The following SEC11A variants were observed in gnomAD, a reference collection of about 807,000 sequenced individuals.
SEC11A encodes SEC11 homolog A, signal peptidase complex subunit, also known as signal peptidase complex catalytic subunit SEC11A.
Under a neutral mutation model 25.6 loss-of-function variants are expected in SEC11A, and 14 were observed. That is an observed-to-expected ratio of 0.55 (90% CI 0.36 to 0.85). SEC11A has a LOEUF of 0.85. Among genes scored for constraint, SEC11A ranks in the 40% least tolerant of loss-of-function variants. SEC11A has a pLI of 0.01. For missense variants in SEC11A, 153 were observed against 222.9 expected (o/e 0.69, Z 2.00); for synonymous variants, 83 against 76.4 (o/e 1.09, Z -0.45).
intron 5 of SEC11A, 123 bp from the exon 6 acceptor site, chr15:84,670,192 T>C (rs1896945762): frequency 1.2e-6 from 1 of 833,208 alleles, no homozygotes; most frequent in Non-Finnish European, 1.8e-6. Flanking sequence ...TCTTTCATCT[T>C]TTAACTATAA....
At chr15:84,699,016 C>A (rs1453297790) in intron 1 of SEC11A, among the ~76,000 whole-genome samples, 1 of 152,086 alleles carries the variant, frequency 6.6e-6, no homozygotes, top group Non-Finnish European at 1.5e-5. Context: ...AGGTGAATTT[C>A]CAAAATATGC....
chr15:84,691,235 C>A lies in SEC11A; in HGVS notation c.161+300G>T, dbSNP rs550191553. Among the ~76,000 whole-genome samples, 4 of 151,928 alleles carry A rather than the reference C, an allele frequency of 2.6e-5. No homozygotes were observed. In the South Asian group the frequency reaches 8.3e-4, roughly 32 times the overall value. Reference sequence around the variant, plus strand: ...GACTACAGGTCCATGCCACCACACCCGCTAATTTTTGTATTTTTTGTGGAG... The same window carrying A: ...GACTACAGGTCCATGCCACCACACCAGCTAATTTTTGTATTTTTTGTGGAG... On this transcript the variant is annotated intron_variant, in intron 2 of 5. Coordinates refer to ENST00000268220, the MANE Select transcript of SEC11A (RefSeq NM_014300.4).
chr15:84,703,161 C>T (rs1041562355), intron 1 of SEC11A, among the ~76,000 whole-genome samples: 3 of 152,150 alleles, frequency 2.0e-5, no homozygotes, highest in African/African-American at 7.2e-5. Context: ...TCTTGAGTAA[C>T]AGCTTTTTGT....
chr15:84,683,995 A>G (rs895905803), intron 3 of SEC11A, among the ~76,000 whole-genome samples: 18 of 152,208 alleles, frequency 1.2e-4, no homozygotes, highest in African/African-American at 4.1e-4. Context: ...ACCCATCACA[A>G]TACTGTGAAA....
chr15:84,698,536 C>T (rs933648750), intron 1 of SEC11A, among the ~76,000 whole-genome samples: 1 of 152,114 alleles, frequency 6.6e-6, no homozygotes, highest in Non-Finnish European at 1.5e-5. Flanking sequence ...TTCAAATGGA[C>T]ACTATTATTG....
chr15:84,672,861 C>A, intron 4 of SEC11A: 1 of 203,980 alleles, frequency 4.9e-6, no homozygotes, highest in South Asian at 6.0e-5. Context: ...ATGTGGGAAG[C>A]GCCTCTGCCC....
In SEC11A at chr15:84,683,409, AAACAAACAAACAAACT is replaced by A. The variant is rs574559470; in HGVS notation, c.312-2593_312-2578del. Among the ~76,000 whole-genome samples, 165 of 152,200 alleles carry A rather than the reference AAACAAACAAACAAACT, an allele frequency of 1.1e-3. 1 individual carries two copies. Among genetic ancestry groups the A allele is most frequent in the African/African-American group, 3.8e-3 (157 of 41,490 alleles). On this transcript the variant is annotated intron_variant, in intron 3 of 5. Transcript: ENST00000268220. Reference sequence around the variant, plus strand: ...AAAACAAACAAACAAACAAACAAACAAACAAACAAACAAACTAACTAACACACCCAATTTCCCCTTC... The same window carrying A: ...AAAACAAACAAACAAACAAACAAACAAACTAACACACCCAATTTCCCCTTC...
intron 1 of SEC11A, among the ~76,000 whole-genome samples, chr15:84,695,078 A>G (rs1897724012): frequency 7.8e-6 from 1 of 128,284 alleles, no homozygotes; most frequent in African/African-American, 3.0e-5. Context: ...CGACACAGCA[A>G]GACTCCATCT....
chr15:84,706,652 A>G (rs934814413), intron 1 of SEC11A, among the ~76,000 whole-genome samples: 2 of 152,210 alleles, frequency 1.3e-5, no homozygotes, highest in Non-Finnish European at 1.5e-5. Flanking sequence ...TATAACAGAA[A>G]CGTAACTTTT....
chr15:84,689,980 T>G (rs1272380954), intron 2 of SEC11A, among the ~76,000 whole-genome samples: 1 of 152,062 alleles, frequency 6.6e-6, no homozygotes, highest in Non-Finnish European at 1.5e-5. Context: ...TTAAAATCAC[T>G]AAGAGTGGTT....
chr15:84,698,340 T>C (rs189288778), intron 1 of SEC11A, among the ~76,000 whole-genome samples: 46 of 152,284 alleles, frequency 3.0e-4, no homozygotes, highest in African/African-American at 9.6e-4. Flanking sequence ...AGCTACAAAA[T>C]AGCAGTTGGC....
At chr15:84,715,666 A>G (rs1038421835) in intron 1 of SEC11A, among the ~76,000 whole-genome samples, 1 of 152,174 alleles carries the variant, frequency 6.6e-6, no homozygotes, top group African/African-American at 2.4e-5. Context: ...AACCACCTGG[A>G]GTCGCTCCGA....
In SEC11A at chr15:84,670,026, C is replaced by T. The variant is rs756279275; in HGVS notation, c.533G>A (p.Arg178His). ...AACAGCAAGGCAGGCTTCTTACTCA[C>T]GATGAACCAGCACGAATAAACCCAG... ...FLLGLFVLVH[R>H]E Residue 178 changes from arginine (R) to histidine (H), a missense_variant, in exon 6 of 6, where the codon CGT becomes CAT. Coordinates refer to ENST00000268220, the MANE Select transcript of SEC11A (RefSeq NM_014300.4). 3.7e-6 allele frequency: 6 copies of T among 1,613,516 alleles called. No individual in the cohort carries two copies. In the Admixed American group the frequency reaches 5.0e-5, roughly 13 times the overall value.
At chr15:84,685,476 G>C (rs1446737226) in intron 3 of SEC11A, among the ~76,000 whole-genome samples, 1 of 148,376 alleles carries the variant, frequency 6.7e-6, no homozygotes, top group Non-Finnish European at 1.5e-5. Flanking sequence ...ATCTGGTCTA[G>C]ACGCCCAGGC....
At chr15:84,694,672 A>T (rs1362240704) in intron 1 of SEC11A, among the ~76,000 whole-genome samples, 2 of 152,122 alleles carry the variant, frequency 1.3e-5, no homozygotes, top group Non-Finnish European at 2.9e-5. Flanking sequence ...TTCAAAATGT[A>T]CAATGAGGGG....
chr15:84,679,193 G>C, intron 4 of SEC11A: 2 of 852,024 alleles, frequency 2.3e-6, no homozygotes, highest in Non-Finnish European at 3.3e-6. Context: ...GAAAAACAAA[G>C]ACTCAAAGAG....
chr15:84,676,136 T>C (rs1897126309), intron 4 of SEC11A, among the ~76,000 whole-genome samples: 1 of 152,206 alleles, frequency 6.6e-6, no homozygotes, highest in Non-Finnish European at 1.5e-5. Flanking sequence ...CTCTTTAAGA[T>C]GGTGAATTTT....
chr15:84,681,141 G>A lies in SEC11A; in HGVS notation c.312-309C>T, dbSNP rs991563882. Among the ~76,000 whole-genome samples the A allele has an allele frequency of 5.3e-5, 8 of 152,116 alleles. No homozygotes were observed. The East Asian group carries it at 1.5e-3, about 29-fold the overall frequency. On this transcript the variant is annotated intron_variant, in intron 3 of 5. Transcript: ENST00000268220. ...AAAAGAATACAAAATAGCATGTACA[G>A]TACAATCTCATTTTTATATTAAAAT... is the stretch of plus-strand genomic sequence containing the variant.
intron 1 of SEC11A, among the ~76,000 whole-genome samples, chr15:84,699,367 C>A (rs549936213): frequency 6.6e-6 from 1 of 150,512 alleles, no homozygotes; most frequent in Non-Finnish European, 1.5e-5. Context: ...ATATGCTGTT[C>A]TAGCCAAAAT....
Sources: gnomAD v4.1 joint callset for allele counts (sites outside exome capture counted in the v4.1 genomes callset) on GRCh38, gnomAD v4.1.1 for gene constraint, MANE v1.5 for transcripts, NCBI Gene and HGNC (gene_info 2026-07-23, HGNC 2026-07-21) for gene names.